SIRT1: variants seen among roughly 807,000 people sequenced by gnomAD.
SIRT1 encodes the protein sirtuin 1.
In SIRT1, 24 loss-of-function variants were observed where a neutral mutation model predicts 67.9. That is an observed-to-expected ratio of 0.35 (90% CI 0.26 to 0.50). The LOEUF (loss-of-function observed/expected upper bound fraction) is 0.50. Among genes scored for constraint, SIRT1 ranks in the 20% least tolerant of loss-of-function variants. The pLI is 0.98. For synonymous variants in SIRT1, 378 were observed against 350.7 expected (o/e 1.08, Z -0.87); for missense variants, 873 against 937.2 (o/e 0.93, Z 0.89).
chr10:67,885,919 G>T (rs1381454761), intron 1 of SIRT1, among the ~76,000 whole-genome samples: 3 of 146,054 alleles, frequency 2.1e-5, no homozygotes. Context: ...ATATGTTGCA[G>T]TTGTCATGTT....
intron 3 of SIRT1, 63 bp from the exon 4 acceptor site, chr10:67,891,339 A>C: frequency 1.4e-6 from 2 of 1,452,078 alleles, no homozygotes; most frequent in Non-Finnish European, 1.9e-6. Context: ...ATGGTAAGAG[A>C]GCTAGCTAGT....
chr10:67,916,614 A>C lies in SIRT1; in HGVS notation c.*21A>C, dbSNP rs1465535055. ...CATAGTGTAATAATTGTGCAGGTAC[A>C]GGAATTGTTCCACCAGCATTAGGAA... On this transcript the variant is annotated 3_prime_UTR_variant, in exon 9 of 9. Coordinates refer to ENST00000212015, the MANE Select transcript of SIRT1 (RefSeq NM_012238.5). The C allele has an allele frequency of 6.3e-7, 1 of 1,579,698 alleles. No individual in the cohort carries two copies. The highest frequency in any genetic ancestry group is 1.4e-5 in the African/African-American group (1 of 74,052).
chr10:67,907,258 G>A (rs1368890284), intron 5 of SIRT1, among the ~76,000 whole-genome samples: 2 of 152,166 alleles, frequency 1.3e-5, no homozygotes, highest in East Asian at 3.8e-4. Flanking sequence ...ACTTTGGGAA[G>A]CCGAGGCGGG....
chr10:67,915,498 A>T (rs564359588), intron 8 of SIRT1, among the ~76,000 whole-genome samples: 1 of 152,172 alleles, frequency 6.6e-6, no homozygotes, highest in African/African-American at 2.4e-5. Context: ...AAAGCGTCTT[A>T]GACTGTATGT....
At chr10:67,894,282 C>G (rs1053482329) in intron 4 of SIRT1, among the ~76,000 whole-genome samples, 2 of 152,152 alleles carry the variant, frequency 1.3e-5, no homozygotes, top group South Asian at 2.1e-4. Flanking sequence ...ATAATTTGAA[C>G]TTTTTACTTC....
chr10:67,916,623 TC>T lies in SIRT1; in HGVS notation c.*32del, dbSNP rs1322496849. ...ATAATTGTGCAGGTACAGGAATTGT[TC>T]CACCAGCATTAGGAACTTTAGCATG... On this transcript the variant is annotated 3_prime_UTR_variant, in exon 9 of 9. Transcript: ENST00000212015. 38 of 1,557,858 alleles carry T rather than the reference TC, an allele frequency of 2.4e-5. No homozygotes were observed. The East Asian group carries it at 6.1e-4, about 25-fold the overall frequency.
intron 4 of SIRT1, among the ~76,000 whole-genome samples, chr10:67,893,370 T>C (rs1356603597): frequency 1.3e-5 from 2 of 152,280 alleles, no homozygotes; most frequent in Middle Eastern, 3.4e-3. Flanking sequence ...ATTGTTCAAC[T>C]CTCACTTATG....
intron 4 of SIRT1, chr10:67,906,288 G>A: frequency 1.9e-6 from 3 of 1,577,278 alleles, no homozygotes; most frequent in Non-Finnish European, 2.6e-6. Flanking sequence ...AACAATTTTG[G>A]TAAGGATTAA....
At chr10:67,892,034 C>T (rs961548407) in intron 4 of SIRT1, among the ~76,000 whole-genome samples, 1 of 152,120 alleles carries the variant, frequency 6.6e-6, no homozygotes, top group Admixed American at 6.6e-5. Context: ...TTATTCTGCT[C>T]TAGAGTTGCA....
rs1399612296 is a variant in SIRT1 at position 67,916,844 on chromosome 10, C to T, written c.*251C>T. 2.9e-5 allele frequency: 6 copies of T among 205,398 alleles called. No homozygotes were observed. The highest frequency in any genetic ancestry group is 6.7e-5 in the Admixed American group (1 of 14,856). 12.7% of individuals were successfully genotyped at this position (205,398 alleles called of 1,614,324 possible). ...TAAGTATCTTCAATCAGCTGTTGGT[C>T]AAGACTAACTTTCTTTTAAAGGTTC... On this transcript the variant is annotated 3_prime_UTR_variant, in exon 9 of 9. Coordinates refer to ENST00000212015, the MANE Select transcript of SIRT1 (RefSeq NM_012238.5).
intron 7 of SIRT1, among the ~76,000 whole-genome samples, chr10:67,910,603 T>C (rs1003862954): frequency 6.6e-6 from 1 of 152,164 alleles, no homozygotes; most frequent in Non-Finnish European, 1.5e-5. Flanking sequence ...TTCAAATGTA[T>C]AGTTTGGTAG....
rs2029881164 is a variant in SIRT1, at chr10:67,915,341, C to T, written c.1916-924C>T. ...TTAAGTTAGGGACATACTGTGAATT[C>T]AAGGATAGAAAACTTTTCCATCAGT... On this transcript the variant is annotated intron_variant, in intron 8 of 8. Transcript: ENST00000212015. 2.0e-5 allele frequency among the ~76,000 whole-genome samples: 3 copies of T among 152,146 alleles called. No individual in the cohort carries two copies. In the South Asian group the frequency reaches 6.2e-4, roughly 32 times the overall value.
intron 4 of SIRT1, among the ~76,000 whole-genome samples, chr10:67,901,499 G>A (rs1223109221): frequency 6.6e-6 from 1 of 152,162 alleles, no homozygotes; most frequent in African/African-American, 2.4e-5. Context: ...GTAAGGTAGG[G>A]CCTGGTAGTA....
intron 7 of SIRT1, among the ~76,000 whole-genome samples, chr10:67,909,749 AT>A (rs1164737110): frequency 1.3e-5 from 2 of 151,802 alleles, no homozygotes; most frequent in East Asian, 3.9e-4. Context: ...TAGTTTTTGT[AT>A]TTTTAGTATA....
Position 67,885,122 on chromosome 10 carries a change from AGGC to A in SIRT1, c.415_417del (p.Ala139del), listed in dbSNP as rs36062014. ...GACGACGAGGGCGAGGAGGAGGAAG[AGGC>A]GGCGGCGGCGGCGATTGGGTACCGA... On this transcript the variant is annotated inframe_deletion, in exon 1 of 9. Transcript: ENST00000212015. 320 of 1,436,292 alleles carry A rather than the reference AGGC, an allele frequency of 2.2e-4. No homozygotes were observed. In the African/African-American group the frequency reaches 2.7e-3, roughly 12 times the overall value. 89.0% of individuals were successfully genotyped at this position (1,436,292 alleles called of 1,614,324 possible). A position where few individuals can be genotyped will look rare whatever the true frequency, so the allele number is the denominator to read the frequency against.
At chr10:67,888,808 C>G in intron 2 of SIRT1, 74 bp from the exon 3 acceptor site, 1 of 1,504,706 alleles carries the variant, frequency 6.6e-7, no homozygotes, top group Non-Finnish European at 8.9e-7. Flanking sequence ...AATGCTAACT[C>G]ATTACTTCAG....
Position 67,884,953 on chromosome 10 carries a change from GAGGCGGAGGCAGAGGCGGCGGCGGC to G in SIRT1, c.239_263del (p.Glu80GlyfsTer95). On this transcript the variant is annotated frameshift_variant, in exon 1 of 9. Transcript: ENST00000212015. LOFTEE classifies it high-confidence loss of function. Reference sequence around the variant, plus strand: ...TGCGGCGGCGGCGGCGCTGTGGCGGGAGGCGGAGGCAGAGGCGGCGGCGGCAGGCGGGGAGCAAGAGGCCCAGGCG... The same window carrying G: ...TGCGGCGGCGGCGGCGCTGTGGCGGGAGGCGGGGAGCAAGAGGCCCAGGCG... 8.0e-7 allele frequency: 1 copy of G among 1,256,276 alleles called. No homozygotes were observed. Among genetic ancestry groups the G allele is most frequent in the Non-Finnish European group, 1.0e-6 (1 of 1,001,190 alleles). 77.8% of individuals were successfully genotyped at this position (1,256,276 alleles called of 1,614,324 possible). A position where few individuals can be genotyped will look rare whatever the true frequency, so the allele number is the denominator to read the frequency against.
chr10:67,914,021 T>G (rs1456247278), intron 8 of SIRT1, among the ~76,000 whole-genome samples: 1 of 151,338 alleles, frequency 6.6e-6, no homozygotes, highest in Non-Finnish European at 1.5e-5. Flanking sequence ...ACAAAGTACT[T>G]TATTATTGTT....
intron 7 of SIRT1, 102 bp downstream of exon 7, chr10:67,909,544 A>C: frequency 1.1e-6 from 1 of 894,936 alleles, no homozygotes; most frequent in Non-Finnish European, 1.6e-6. Flanking sequence ...TTCTGTTTGA[A>C]AGAGTGGTGA....
Sources: gnomAD v4.1 joint callset for allele counts (sites outside exome capture counted in the v4.1 genomes callset) on GRCh38, gnomAD v4.1.1 for gene constraint, MANE v1.5 for transcripts, NCBI Gene and HGNC (gene_info 2026-07-23, HGNC 2026-07-21) for gene names.